GPATCH1: variants seen among roughly 807,000 people sequenced by gnomAD.
GPATCH1 encodes the protein G patch domain-containing protein 1.
GPATCH1 carries 73 observed loss-of-function variants against 114.9 expected under a neutral mutation model. The observed-to-expected ratio is 0.64, with a 90% CI of 0.53 to 0.77. GPATCH1 has a LOEUF of 0.77. GPATCH1 is among the 30% of genes least tolerant of loss of function. The probability of loss-of-function intolerance (pLI) is 0.00; values close to 1 mark genes in which losing one functional copy is unlikely to be tolerated. For missense variants in GPATCH1, 1,058 were observed against 1,144.3 expected (o/e 0.92, Z 1.09); for synonymous variants, 391 against 428.4 (o/e 0.91, Z 1.08).
At chr19:33,086,805 A>G (rs554123276) in intron 1 of GPATCH1, among the ~76,000 whole-genome samples, 6 of 152,000 alleles carry the variant, frequency 3.9e-5, no homozygotes, top group African/African-American at 1.4e-4. Context: ...TCAGATCTCT[A>G]GGTCTTTAAA....
At chr19:33,118,380 T>C (rs190019904) in intron 16 of GPATCH1, among the ~76,000 whole-genome samples, 132 of 152,016 alleles carry the variant, frequency 8.7e-4, no homozygotes, top group African/African-American at 3.1e-3. Context: ...GGTTTCACCA[T>C]GTTGGCCAGG....
At chr19:33,095,357 G>A (rs1474223068) in intron 5 of GPATCH1, among the ~76,000 whole-genome samples, 1 of 150,664 alleles carries the variant, frequency 6.6e-6, no homozygotes, top group Non-Finnish European at 1.5e-5. Flanking sequence ...CTGCTTCCCG[G>A]TTCAAGCGAT....
intron 8 of GPATCH1, 74 bp downstream of exon 8, chr19:33,097,976 T>C: frequency 7.4e-7 from 1 of 1,346,740 alleles, no homozygotes; most frequent in Non-Finnish European, 1.0e-6. Context: ...GCAAGAGCGA[T>C]ACAGGAGCAC....
At chr19:33,096,723 G>A (rs1049390999) in intron 7 of GPATCH1, among the ~76,000 whole-genome samples, 5 of 151,916 alleles carry the variant, frequency 3.3e-5, no homozygotes, top group African/African-American at 1.2e-4. Context: ...CTGTCTCCTG[G>A]GTTCAAGTGA....
At chr19:33,121,441 TCCCAA>T (rs1972983963) in intron 17 of GPATCH1, among the ~76,000 whole-genome samples, 1 of 149,002 alleles carries the variant, frequency 6.7e-6, no homozygotes, top group African/African-American at 2.5e-5. Flanking sequence ...TACCTCACCC[TCCCAA>T]GTAGCTGGGA....
chr19:33,129,742 G>A (rs894754015), intron 19 of GPATCH1, among the ~76,000 whole-genome samples: 1 of 152,084 alleles, frequency 6.6e-6, no homozygotes, highest in Non-Finnish European at 1.5e-5. Flanking sequence ...TCAGGAGTTC[G>A]AAACAAGCCT....
At position 33,112,492 on chromosome 19, in the gene GPATCH1, G is replaced by A; in HGVS notation, c.1771G>A (p.Val591Ile). ...AATGCATGTCTTTTTCCAGAATGAT[G>A]TCGGGGATAAGCAGTCGGCTGTGAA... is the stretch of plus-strand genomic sequence containing the variant. ...VEVPRDQEND[V>I]GDKQSAVKMK... Residue 591 changes from valine to isoleucine, a missense_variant, in exon 13 of 20, where the codon GTC (valine) becomes ATC (isoleucine). Transcript: ENST00000170564. 1 of 1,614,038 alleles carries A rather than the reference G, an allele frequency of 6.2e-7. No individual in the cohort carries two copies. The highest frequency in any genetic ancestry group is 2.2e-5 in the East Asian group (1 of 44,874).
chr19:33,106,721 A>G lies in GPATCH1; in HGVS notation c.1107A>G (p.Arg369=). 3.1e-6 allele frequency: 5 copies of G among 1,613,874 alleles called. No homozygotes were observed. The highest frequency in any genetic ancestry group is 4.2e-6 in the Non-Finnish European group (5 of 1,179,938). ...TCTATCCACCTCCAGAGCTGCCAAG[A>G]GACTATCGACCAGTGCATTATTTCA... ...KKIYPPPELP[R]DYRPVHYFRP... Residue 369 remains arginine, a synonymous_variant, in exon 10 of 20, where the codon AGA becomes AGG. Transcript: ENST00000170564.
intron 18 of GPATCH1, 124 bp from the exon 19 acceptor site, chr19:33,126,464 C>G: frequency 7.0e-7 from 1 of 1,429,464 alleles, no homozygotes; most frequent in South Asian, 1.3e-5. Context: ...CTCACTCACT[C>G]TAAATGAGGT....
chr19:33,091,711 TAACA>T (rs1325961268), intron 3 of GPATCH1, among the ~76,000 whole-genome samples: 1 of 152,080 alleles, frequency 6.6e-6, no homozygotes, highest in African/African-American at 2.4e-5. Context: ...TTTACCTGTG[TAACA>T]AACCTGCACA....
intron 15 of GPATCH1, among the ~76,000 whole-genome samples, chr19:33,115,210 C>A (rs1972904173): frequency 1.3e-5 from 2 of 149,764 alleles, no homozygotes; most frequent in African/African-American, 2.5e-5. Flanking sequence ...GGGCACACAC[C>A]ACCATGCCTG....
chr19:33,091,648 G>T (rs150390862), intron 3 of GPATCH1, among the ~76,000 whole-genome samples: 3 of 152,010 alleles, frequency 2.0e-5, no homozygotes, highest in African/African-American at 7.3e-5. Flanking sequence ...TGCATGCTGG[G>T]CTTAATACCT....
chr19:33,126,074 G>A (rs558659690), intron 18 of GPATCH1, among the ~76,000 whole-genome samples: 1 of 152,178 alleles, frequency 6.6e-6, no homozygotes, highest in Non-Finnish European at 1.5e-5. Context: ...GCACTCCCAC[G>A]TATGGCGGAT....
At chr19:33,093,679 T>C (rs1325566596) in intron 4 of GPATCH1, among the ~76,000 whole-genome samples, 160 bp downstream of exon 4, 2 of 152,166 alleles carry the variant, frequency 1.3e-5, no homozygotes, top group African/African-American at 2.4e-5. Context: ...TGCACTGTCA[T>C]TGCACGGAGA....
chr19:33,117,720 A>C, intron 15 of GPATCH1, 105 bp from the exon 16 acceptor site: 1 of 778,424 alleles, frequency 1.3e-6, no homozygotes, highest in South Asian at 1.5e-5. Flanking sequence ...ACCCATGTAC[A>C]TGAGCATAAA....
At chr19:33,105,579 A>G (rs1414860265) in intron 9 of GPATCH1, among the ~76,000 whole-genome samples, 1 of 151,794 alleles carries the variant, frequency 6.6e-6, no homozygotes. Context: ...GCTGGAGTGC[A>G]GTGGTGCGAT....
chr19:33,088,631 G>A (rs1303294720), intron 2 of GPATCH1, among the ~76,000 whole-genome samples: 1 of 148,714 alleles, frequency 6.7e-6, no homozygotes, highest in African/African-American at 2.5e-5. Context: ...GATTGCAGGT[G>A]TGAGCCACTG....
intron 3 of GPATCH1, among the ~76,000 whole-genome samples, chr19:33,092,624 G>A (rs527356683): frequency 6.6e-6 from 1 of 152,318 alleles, no homozygotes; most frequent in East Asian, 1.9e-4. Flanking sequence ...GAGGAAACGT[G>A]CCAATGGTTG....
chr19:33,094,576 A>C lies in GPATCH1; in HGVS notation c.553+307A>C, dbSNP rs1006215518. On this transcript the variant is annotated intron_variant, in intron 5 of 19. Transcript: ENST00000170564. Reference sequence around the variant, plus strand: ...TCCAATAAACGAAATAGCTGGGCCCAGTGGTATGTGTGTCTTCTAAGGCTT... The same window carrying C: ...TCCAATAAACGAAATAGCTGGGCCCCGTGGTATGTGTGTCTTCTAAGGCTT... Among the ~76,000 whole-genome samples the C allele has an allele frequency of 1.7e-4, 26 of 152,306 alleles. No homozygotes were observed. The East Asian group carries it at 4.6e-3, about 27-fold the overall frequency.
Sources: gnomAD v4.1 joint callset for allele counts (sites outside exome capture counted in the v4.1 genomes callset) on GRCh38, gnomAD v4.1.1 for gene constraint, MANE v1.5 for transcripts, NCBI Gene and HGNC (gene_info 2026-07-23, HGNC 2026-07-21) for gene names.